TRHDE: variants seen among roughly 807,000 people sequenced by gnomAD.
The protein encoded by TRHDE is thyrotropin releasing hormone degrading enzyme.
In TRHDE, 72 loss-of-function variants were observed where a neutral mutation model predicts 125.7. The ratio of observed to expected loss-of-function variants is 0.57; its 90% CI spans 0.47 to 0.70. TRHDE has a LOEUF of 0.70. Ranked by LOEUF, TRHDE falls within the 30% of genes least tolerant of loss-of-function variation. The pLI is 0.00. For synonymous variants in TRHDE, 509 were observed against 509.1 expected, an observed-to-expected ratio of 1.00 and a Z score of 0.00; for missense variants, 1,110 against 1,327.1, an observed-to-expected ratio of 0.84 and a Z score of 2.54.
intron 6 of TRHDE, among the ~76,000 whole-genome samples, chr12:72,529,472 CTT>C (rs922283867): frequency 2.6e-4 from 39 of 152,270 alleles, no homozygotes; most frequent in African/African-American, 9.4e-4. Flanking sequence ...AGACATAACT[CTT>C]ATTCATATTT....
chr12:72,327,417 TCTC>T (rs993173722), intron 2 of TRHDE, among the ~76,000 whole-genome samples: 2 of 152,260 alleles, frequency 1.3e-5, no homozygotes, highest in East Asian at 1.9e-4. Context: ...CATTAAGACT[TCTC>T]CTGGTTAAAG....
chr12:72,384,052 G>A (rs1872308808), intron 3 of TRHDE, among the ~76,000 whole-genome samples: 2 of 152,248 alleles, frequency 1.3e-5, no homozygotes, highest in South Asian at 4.2e-4. Context: ...TTATTAACCT[G>A]AAGACATGTG....
chr12:72,093,634 G>A (rs1425453775), intron 1 of TRHDE, among the ~76,000 whole-genome samples: 1 of 151,704 alleles, frequency 6.6e-6, no homozygotes, highest in African/African-American at 2.4e-5. Flanking sequence ...TTTCACTTCT[G>A]TCGTTGTGTT....
At chr12:72,601,425 G>T (rs1251295572) in intron 12 of TRHDE, among the ~76,000 whole-genome samples, 2 of 152,072 alleles carry the variant, frequency 1.3e-5, no homozygotes, top group African/African-American at 4.8e-5. Context: ...GACAACTAAG[G>T]ATTAAAACAT....
At chr12:72,158,455 T>C (rs1231253765) in intron 2 of TRHDE, among the ~76,000 whole-genome samples, 17 of 151,602 alleles carry the variant, frequency 1.1e-4, no homozygotes, top group Admixed American at 1.1e-3. Flanking sequence ...TGTAATTGCC[T>C]CTTTGTGTCT....
chr12:72,512,411 T>C (rs1368494349), intron 6 of TRHDE, among the ~76,000 whole-genome samples: 1 of 125,778 alleles, frequency 8.0e-6, no homozygotes, highest in African/African-American at 3.4e-5. Flanking sequence ...TATATAATTA[T>C]AACTATATAA....
chr12:72,189,209 T>C (rs780050381), intron 2 of TRHDE, among the ~76,000 whole-genome samples: 1 of 152,252 alleles, frequency 6.6e-6, no homozygotes, highest in Non-Finnish European at 1.5e-5. Flanking sequence ...GTATAAATGA[T>C]TGATAACAGC....
chr12:72,193,544 C>T (rs374318674), intron 2 of TRHDE, among the ~76,000 whole-genome samples: 1 of 152,130 alleles, frequency 6.6e-6, no homozygotes, highest in African/African-American at 2.4e-5. Flanking sequence ...TACAGCATAA[C>T]ATTCTCCCTC....
chr12:72,352,610 T>C (rs1306767589), intron 2 of TRHDE, among the ~76,000 whole-genome samples: 1 of 151,832 alleles, frequency 6.6e-6, no homozygotes, highest in Non-Finnish European at 1.5e-5. Flanking sequence ...GCAGTTTGTG[T>C]GCCACTGTTA....
rs138404314 is a variant in TRHDE, at chr12:72,507,084, T to C, written c.1722+7449T>C. On this transcript the variant is annotated intron_variant, in intron 6 of 18. Coordinates refer to ENST00000261180, the MANE Select transcript of TRHDE (RefSeq NM_013381.3). ...TGCCTCCTTCCTCTTTGCCTTCCAC[T>C]GTGTTTGTAAGTTTCCTGAGGCCTC... Among the ~76,000 whole-genome samples, 25 of 152,264 alleles carry C rather than the reference T, an allele frequency of 1.6e-4. No homozygotes were observed. The East Asian group carries it at 4.8e-3, about 29-fold the overall frequency.
At chr12:72,546,741 G>T (rs1402385317) in intron 7 of TRHDE, among the ~76,000 whole-genome samples, 1 of 151,610 alleles carries the variant, frequency 6.6e-6, no homozygotes, top group African/African-American at 2.4e-5. Flanking sequence ...TGGAAGTAAA[G>T]GTCAGGAAAG....
At chr12:72,456,725 T>C (rs1875873471) in intron 3 of TRHDE, among the ~76,000 whole-genome samples, 1 of 152,110 alleles carries the variant, frequency 6.6e-6, no homozygotes, top group South Asian at 2.1e-4. Context: ...CATTTTCCCG[T>C]TATGGGTGCA....
At chr12:72,502,940 A>G (rs1185105823) in intron 6 of TRHDE, among the ~76,000 whole-genome samples, 1 of 152,190 alleles carries the variant, frequency 6.6e-6, no homozygotes, top group Non-Finnish European at 1.5e-5. Context: ...TCAGGCCTTT[A>G]TGTAAATTCA....
intron 2 of TRHDE, among the ~76,000 whole-genome samples, chr12:72,205,068 C>A (rs1343036190): frequency 6.6e-6 from 1 of 152,170 alleles, no homozygotes; most frequent in African/African-American, 2.4e-5. Context: ...ATGTTATTGT[C>A]CTTTCAAGGA....
chr12:72,217,834 G>A (rs976966424), intron 2 of TRHDE, among the ~76,000 whole-genome samples: 19 of 152,242 alleles, frequency 1.2e-4, no homozygotes, highest in Admixed American at 4.6e-4. Context: ...ATGGGAAGAT[G>A]TTAGAACAAA....
chr12:72,327,016 A>G (rs1456955205), intron 2 of TRHDE, among the ~76,000 whole-genome samples: 1 of 152,068 alleles, frequency 6.6e-6, no homozygotes, highest in Non-Finnish European at 1.5e-5. Flanking sequence ...TCCTTCCTTT[A>G]AGCATACATT....
chr12:72,485,602 G>A (rs1877368581), intron 5 of TRHDE, among the ~76,000 whole-genome samples: 1 of 152,080 alleles, frequency 6.6e-6, no homozygotes, highest in African/African-American at 2.4e-5. Context: ...TACAGGTGAG[G>A]CAGCATCCTG....
intron 3 of TRHDE, among the ~76,000 whole-genome samples, chr12:72,423,625 T>C (rs928985335): frequency 1.3e-5 from 2 of 152,152 alleles, no homozygotes; most frequent in East Asian, 1.9e-4. Flanking sequence ...CTCATTCTTA[T>C]CTTGGGAAAC....
intron 2 of TRHDE, among the ~76,000 whole-genome samples, chr12:72,168,524 T>G (rs1876802991): frequency 6.6e-6 from 1 of 152,236 alleles, no homozygotes; most frequent in Non-Finnish European, 1.5e-5. Context: ...TTCTTGATCA[T>G]AGCAGAGACA....
Sources: gnomAD v4.1 joint callset for allele counts (sites outside exome capture counted in the v4.1 genomes callset) on GRCh38, gnomAD v4.1.1 for gene constraint, MANE v1.5 for transcripts, NCBI Gene and HGNC (gene_info 2026-07-23, HGNC 2026-07-21) for gene names.